Variants in GRIA4 observed in about 807,000 individuals in gnomAD.
GRIA4 encodes glutamate receptor 4.
In GRIA4, 34 loss-of-function variants were observed where a neutral mutation model predicts 104.0. The ratio of observed to expected loss-of-function variants is 0.33; its 90% CI spans 0.25 to 0.44. GRIA4 has a LOEUF of 0.44. Among genes scored for constraint, GRIA4 ranks in the 20% least tolerant of loss-of-function variants. The pLI is 1.00. For missense variants in GRIA4, 750 were observed against 1,096.5 expected (o/e 0.68, Z 4.46); for synonymous variants, 386 against 381.9 (o/e 1.01, Z -0.13).
chr11:105,980,079 G>T lies in GRIA4; in HGVS notation c.*340G>T, dbSNP rs572463637. On this transcript the variant is annotated 3_prime_UTR_variant, in exon 17 of 17. Transcript: ENST00000282499. The stretch of plus-strand genomic sequence containing the variant: ...CTTATGAGTTAGCGCATTAAACTGT[G>T]AAGTTCTTGCTCAGAAAGGCCTTTG... 7.8e-5 allele frequency: 15 copies of T among 191,910 alleles called. No homozygotes were observed. The highest frequency in any genetic ancestry group is 2.1e-3 in the Middle Eastern group (1 of 478). 11.9% of individuals were successfully genotyped at this position (191,910 alleles called of 1,614,324 possible).
At chr11:105,722,358 C>T (rs1937882586) in intron 3 of GRIA4, among the ~76,000 whole-genome samples, 2 of 152,224 alleles carry the variant, frequency 1.3e-5, no homozygotes, top group Admixed American at 6.5e-5. Context: ...TACAACTCAA[C>T]ATTTTTCAGT....
intron 3 of GRIA4, among the ~76,000 whole-genome samples, chr11:105,717,138 T>C (rs1178761756): frequency 6.6e-6 from 1 of 152,078 alleles, no homozygotes; most frequent in African/African-American, 2.4e-5. Context: ...TTCATCTCCA[T>C]AGAATGAGTC....
intron 3 of GRIA4, among the ~76,000 whole-genome samples, chr11:105,685,022 T>A (rs1455628760): frequency 6.6e-6 from 1 of 151,990 alleles, no homozygotes; most frequent in Non-Finnish European, 1.5e-5. Flanking sequence ...GTCTTCTAGA[T>A]AAAAAGGGAC....
intron 5 of GRIA4, among the ~76,000 whole-genome samples, chr11:105,881,623 G>A (rs925289552): frequency 3.3e-5 from 5 of 151,768 alleles, no homozygotes; most frequent in Admixed American, 6.6e-5. Context: ...TTCTCTCTCC[G>A]TCCTCCAAAA....
At chr11:105,697,865 T>C (rs1173612790) in intron 3 of GRIA4, among the ~76,000 whole-genome samples, 2 of 149,624 alleles carry the variant, frequency 1.3e-5, no homozygotes, top group East Asian at 4.0e-4. Flanking sequence ...TTTGGGCCTT[T>C]CTCTGGAGTG....
chr11:105,620,176 C>T (rs566611528), intron 3 of GRIA4, among the ~76,000 whole-genome samples: 188 of 151,950 alleles, frequency 1.2e-3, no homozygotes, highest in African/African-American at 4.3e-3. Flanking sequence ...TCTTATGCCT[C>T]GTTTTCTCAG....
intron 14 of GRIA4, among the ~76,000 whole-genome samples, chr11:105,955,232 T>A (rs1355596704): frequency 6.6e-6 from 1 of 152,142 alleles, no homozygotes; most frequent in East Asian, 1.9e-4. Flanking sequence ...CATGATGGTT[T>A]GCTGCACCTA....
intron 14 of GRIA4, among the ~76,000 whole-genome samples, chr11:105,936,557 AT>A (rs1358081570): frequency 2.0e-5 from 3 of 152,194 alleles, no homozygotes; most frequent in African/African-American, 7.2e-5. Flanking sequence ...CTGTCCTTCT[AT>A]TTACACTTAA....
intron 4 of GRIA4, among the ~76,000 whole-genome samples, chr11:105,792,805 C>T (rs2099731842): frequency 6.6e-6 from 1 of 152,094 alleles, no homozygotes; most frequent in Admixed American, 6.6e-5. Context: ...CTGCCTTCAA[C>T]TGGCTTATAG....
chr11:105,971,956 C>T lies in GRIA4; in HGVS notation c.2337C>T (p.Gly779=), dbSNP rs1480264954. ...CCGTTTTGAAACTCAGTGAGGCAGG[C>T]GTCTTAGACAAGCTGAAAAACAAAT... The part of the protein sequence containing the change: ...NLAVLKLSEA[G]VLDKLKNKWW... Residue 779 remains glycine (G), a synonymous_variant, in exon 15 of 17, where the codon GGC becomes GGT. Transcript: ENST00000282499. 6 of 1,612,486 alleles carry T rather than the reference C, an allele frequency of 3.7e-6. No individual in the cohort carries two copies. Among genetic ancestry groups the T allele is most frequent in the Admixed American group, 1.7e-5 (1 of 59,964 alleles).
At chr11:105,650,928 C>T (rs977262116) in intron 3 of GRIA4, among the ~76,000 whole-genome samples, 5 of 152,102 alleles carry the variant, frequency 3.3e-5, no homozygotes, top group Non-Finnish European at 5.9e-5. Context: ...TTATATCGGT[C>T]AACAGGGTAG....
At chr11:105,694,705 G>A (rs1003650443) in intron 3 of GRIA4, among the ~76,000 whole-genome samples, 4 of 151,840 alleles carry the variant, frequency 2.6e-5, no homozygotes, top group Admixed American at 6.6e-5. Context: ...ATATATTTAC[G>A]TGGTTCCAAA....
intron 4 of GRIA4, among the ~76,000 whole-genome samples, chr11:105,796,181 T>C (rs1942472517): frequency 1.3e-5 from 2 of 152,218 alleles, no homozygotes; most frequent in Non-Finnish European, 2.9e-5. Flanking sequence ...AATATTTTCA[T>C]TGATTCCATC....
intron 3 of GRIA4, among the ~76,000 whole-genome samples, chr11:105,660,348 A>T (rs975106208): frequency 5.3e-5 from 8 of 151,720 alleles, no homozygotes; most frequent in African/African-American, 1.9e-4. Context: ...GAATTCTCAT[A>T]AAAAGTATTG....
intron 4 of GRIA4, among the ~76,000 whole-genome samples, chr11:105,850,056 C>T (rs879468371): frequency 2.0e-5 from 3 of 152,068 alleles, no homozygotes; most frequent in South Asian, 2.1e-4. Context: ...AAGTAAACTT[C>T]GAAAACCTTA....
At chr11:105,946,828 G>C (rs1040781818) in intron 14 of GRIA4, among the ~76,000 whole-genome samples, 1 of 152,040 alleles carries the variant, frequency 6.6e-6, no homozygotes, top group Non-Finnish European at 1.5e-5. Context: ...AAAATTTTAG[G>C]AAGGGAGAAA....
intron 3 of GRIA4, among the ~76,000 whole-genome samples, chr11:105,673,300 G>T (rs899541389): frequency 2.6e-5 from 4 of 152,106 alleles, no homozygotes; most frequent in Admixed American, 1.3e-4. Flanking sequence ...TGTCCTCGGT[G>T]CTGAAACCAT....
At chr11:105,780,352 A>G (rs1047330875) in intron 4 of GRIA4, among the ~76,000 whole-genome samples, 1 of 152,084 alleles carries the variant, frequency 6.6e-6, no homozygotes, top group Non-Finnish European at 1.5e-5. Context: ...TATAATCTCT[A>G]TTTTCTATAA....
rs919750720 is a variant in GRIA4 at position 105,667,553 on chromosome 11, C to T, written c.247+55119C>T. Among the ~76,000 whole-genome samples the T allele has an allele frequency of 3.9e-5, 6 of 152,110 alleles. No homozygotes were observed. In the East Asian group the frequency reaches 1.2e-3, roughly 29 times the overall value. On this transcript the variant is annotated intron_variant, in intron 3 of 16. Coordinates refer to ENST00000282499, the MANE Select transcript of GRIA4 (RefSeq NM_000829.4). The stretch of plus-strand genomic sequence containing the variant: ...CATCCTAGTTATCTCTATGCCTCCC[C>T]ATTATTTGTTTTACTTTTCAAATAC...
Sources: allele counts gnomAD v4.1 joint callset (sites outside exome capture counted in the v4.1 genomes callset), GRCh38; gene constraint gnomAD v4.1.1; transcripts MANE v1.5; gene names NCBI Gene and HGNC (gene_info 2026-07-23, HGNC 2026-07-21).